Variants in NCAM1 observed in about 807,000 individuals in gnomAD.
NCAM1 encodes the protein antigen recognized by monoclonal antibody 5.1H11.
NCAM1 carries 14 observed loss-of-function variants against 109.8 expected under a neutral mutation model. The observed-to-expected ratio is 0.13, with a 90% confidence interval of 0.08 to 0.20. NCAM1 has a LOEUF of 0.20. Among genes scored for constraint, NCAM1 ranks in the 10% least tolerant of loss-of-function variants. The pLI, the probability that NCAM1 is intolerant of heterozygous loss-of-function variation, is 1.00. For synonymous variants in NCAM1, 418 were observed against 442.9 expected (o/e 0.94, Z 0.70); for missense variants, 774 against 1,109.9 (o/e 0.70, Z 4.30).
At position 112,995,131 on chromosome 11, in the gene NCAM1, A is replaced by G. The variant is rs562419266; in HGVS notation, c.52+33467A>G. Among the ~76,000 whole-genome samples, 26 of 152,188 alleles carry G rather than the reference A, an allele frequency of 1.7e-4. 1 individual carries two copies. Among genetic ancestry groups the G allele is most frequent in the Non-Finnish European group, 1.5e-5 (1 of 68,014 alleles). The stretch of plus-strand genomic sequence containing the variant: ...ATGCTTTCGTACCTACTGCTGAATT[A>G]CAGTAGTTATGAAAGTTGAATTGCT... On this transcript the variant is annotated intron_variant, in intron 1 of 19. Coordinates refer to ENST00000316851, the MANE Select transcript of NCAM1 (RefSeq NM_181351.5).
At chr11:113,169,084 G>C (rs938684469) in intron 1 of NCAM1, among the ~76,000 whole-genome samples, 3 of 150,000 alleles carry the variant, frequency 2.0e-5, no homozygotes, top group Non-Finnish European at 3.0e-5. Context: ...GTGTGTGTGT[G>C]TCTTTGTTTT....
At chr11:113,192,815 G>A (rs565250969) in intron 1 of NCAM1, among the ~76,000 whole-genome samples, 4 of 152,248 alleles carry the variant, frequency 2.6e-5, no homozygotes, top group South Asian at 2.1e-4. Context: ...TAAAATGAAC[G>A]GGTTGGAGAT....
At chr11:113,040,050 G>A (rs1376381583) in intron 1 of NCAM1, among the ~76,000 whole-genome samples, 10 of 152,126 alleles carry the variant, frequency 6.6e-5, no homozygotes, top group African/African-American at 9.7e-5. Context: ...CTGAGGCAGG[G>A]AGAATTGGTT....
intron 1 of NCAM1, among the ~76,000 whole-genome samples, chr11:113,148,554 G>A (rs1390231087): frequency 2.0e-5 from 3 of 152,052 alleles, no homozygotes; most frequent in Non-Finnish European, 4.4e-5. Context: ...CCAGCCCCAA[G>A]GTGAGGAAGT....
intron 1 of NCAM1, chr11:113,197,167 G>A (rs782039261): frequency 1.2e-5 from 3 of 240,050 alleles, no homozygotes; most frequent in Admixed American, 7.7e-5. Context: ...ACCAGGTCCC[G>A]TGCTTGACAT....
intron 1 of NCAM1, among the ~76,000 whole-genome samples, chr11:113,107,586 C>T (rs553620794): frequency 3.3e-5 from 5 of 152,242 alleles, no homozygotes; most frequent in Non-Finnish European, 5.9e-5. Context: ...TTCTTATGTG[C>T]TGACAGGCAA....
chr11:112,975,011 C>T (rs1350464549), intron 1 of NCAM1, among the ~76,000 whole-genome samples: 4 of 151,838 alleles, frequency 2.6e-5, no homozygotes, highest in Non-Finnish European at 4.4e-5. Flanking sequence ...AGGGTAGGAT[C>T]GTTGAGACTG....
intron 1 of NCAM1, among the ~76,000 whole-genome samples, chr11:113,048,884 C>A (rs1334484153): frequency 6.6e-6 from 1 of 152,170 alleles, no homozygotes; most frequent in Non-Finnish European, 1.5e-5. Context: ...CTGCTTGGTA[C>A]TCTGCTTGGT....
intron 1 of NCAM1, among the ~76,000 whole-genome samples, chr11:113,071,042 TAG>T (rs1253058324): frequency 6.6e-6 from 1 of 151,866 alleles, no homozygotes; most frequent in Non-Finnish European, 1.5e-5. Flanking sequence ...CTGTGTGTGG[TAG>T]AGAGATGAGG....
intron 1 of NCAM1, among the ~76,000 whole-genome samples, chr11:113,091,273 G>A (rs1341467365): frequency 6.6e-6 from 1 of 151,820 alleles, no homozygotes; most frequent in Non-Finnish European, 1.5e-5. Flanking sequence ...ATCATACCCT[G>A]CTGCCTCCCA....
intron 1 of NCAM1, among the ~76,000 whole-genome samples, chr11:113,071,816 T>C (rs1555085328): frequency 3.3e-5 from 5 of 152,156 alleles, no homozygotes. Flanking sequence ...TGCAGGACTG[T>C]TTTCATTGGT....
intron 1 of NCAM1, among the ~76,000 whole-genome samples, chr11:113,088,667 C>G (rs1278817384): frequency 6.6e-6 from 1 of 152,164 alleles, no homozygotes; most frequent in African/African-American, 2.4e-5. Flanking sequence ...ATGCGAGTAA[C>G]AAAAGATGGA....
intron 1 of NCAM1, among the ~76,000 whole-genome samples, chr11:112,973,790 A>G (rs1555067220): frequency 6.6e-6 from 1 of 152,104 alleles, no homozygotes; most frequent in Non-Finnish European, 1.5e-5. Flanking sequence ...TATTGATTCT[A>G]ATGAGAATCA....
At chr11:113,087,666 T>C (rs920134814) in intron 1 of NCAM1, among the ~76,000 whole-genome samples, 3 of 152,214 alleles carry the variant, frequency 2.0e-5, no homozygotes, top group Admixed American at 2.0e-4. Flanking sequence ...AGGGTGAGTA[T>C]GAGGCATGAA....
intron 8 of NCAM1, among the ~76,000 whole-genome samples, chr11:113,218,342 C>T (rs2137060100): frequency 6.6e-6 from 1 of 152,282 alleles, no homozygotes; most frequent in Non-Finnish European, 1.5e-5. Flanking sequence ...CACGGTGCCA[C>T]AGTGCTCTCT....
At chr11:113,063,716 A>G (rs1481947546) in intron 1 of NCAM1, among the ~76,000 whole-genome samples, 1 of 152,188 alleles carries the variant, frequency 6.6e-6, no homozygotes, top group Non-Finnish European at 1.5e-5. Context: ...AACCTTGTCT[A>G]TGCTAAGAAC....
At chr11:112,994,568 T>G (rs1198228542) in intron 1 of NCAM1, among the ~76,000 whole-genome samples, 5 of 152,226 alleles carry the variant, frequency 3.3e-5, no homozygotes, top group Non-Finnish European at 7.3e-5. Flanking sequence ...ACCTGGTAAT[T>G]TAGCCCACAG....
chr11:112,982,005 A>T (rs782641017), intron 1 of NCAM1, among the ~76,000 whole-genome samples: 10 of 151,922 alleles, frequency 6.6e-5, no homozygotes, highest in Non-Finnish European at 1.2e-4. Context: ...TTTATGATAC[A>T]GGTGGCATCA....
At chr11:113,039,218 T>C (rs1294295146) in intron 1 of NCAM1, among the ~76,000 whole-genome samples, 1 of 152,258 alleles carries the variant, frequency 6.6e-6, no homozygotes, top group Non-Finnish European at 1.5e-5. Flanking sequence ...TTTTTGCAAT[T>C]GGCAAACAGA....
Sources: gnomAD v4.1 joint callset for allele counts (sites outside exome capture counted in the v4.1 genomes callset) on GRCh38, gnomAD v4.1.1 for gene constraint, MANE v1.5 for transcripts, NCBI Gene and HGNC (gene_info 2026-07-23, HGNC 2026-07-21) for gene names.